The following GRK7 variants were observed in gnomAD, a reference collection of about 807,000 sequenced individuals.
GRK7 encodes the protein rhodopsin kinase GRK7.
In GRK7, 24 loss-of-function variants were observed where a neutral mutation model predicts 34.1. The observed-to-expected ratio is 0.70, with a 90% CI of 0.51 to 0.99. GRK7 has a LOEUF of 0.99. Ranked by LOEUF, GRK7 falls within the 50% of genes least tolerant of loss-of-function variation. The pLI is 0.00. For missense variants in GRK7, 644 were observed against 707.3 expected, an observed-to-expected ratio of 0.91 and a Z score of 1.02; for synonymous variants, 256 against 279.4, an observed-to-expected ratio of 0.92 and a Z score of 0.84.
At chr3:141,750,264 C>T in the GRK7 span, among the ~76,000 whole-genome samples, 1 of 152,190 alleles carries the variant, frequency 6.6e-6, no homozygotes, top group East Asian at 1.9e-4. Flanking sequence ...CTTATCTGTA[C>T]ACTTGATAAA....
chr3:141,774,113 C>T (rs1413904022), intron 1 of GRK7, among the ~76,000 whole-genome samples: 2 of 152,168 alleles, frequency 1.3e-5, no homozygotes, highest in Non-Finnish European at 2.9e-5. Context: ...TTGGGAAAAT[C>T]TCTGGATCCT....
chr3:141,801,127 G>C (rs1012880092), intron 4 of GRK7, among the ~76,000 whole-genome samples: 8 of 151,824 alleles, frequency 5.3e-5, no homozygotes, highest in African/African-American at 1.7e-4. Context: ...TGGCTAACAG[G>C]GTGAAACCCC....
intron 4 of GRK7, among the ~76,000 whole-genome samples, chr3:141,791,002 G>T (rs1037770905): frequency 8.5e-5 from 13 of 152,218 alleles, no homozygotes; most frequent in African/African-American, 3.1e-4. Context: ...TGAGGATCAT[G>T]CTTGTACTTT....
rs1271304420 is a variant in GRK7 at position 141,765,285 on chromosome 3, C to T, written c.-668C>T. ...GCTCTACCCTCAGGCAGTCACATGG[C>T]TCACGCCCTTACCTTCAGGAGGTCT... On this transcript the variant is annotated 5_prime_UTR_variant, in exon 1 of 6. Transcript: ENST00000682958. Among the ~76,000 whole-genome samples, 3 of 152,208 alleles carry T rather than the reference C, an allele frequency of 2.0e-5. No homozygotes were observed. Among genetic ancestry groups the T allele is most frequent in the Non-Finnish European group, 4.4e-5 (3 of 68,044 alleles).
the GRK7 span, among the ~76,000 whole-genome samples, chr3:141,751,977 C>T: frequency 6.6e-6 from 1 of 152,168 alleles, no homozygotes; most frequent in Non-Finnish European, 1.5e-5. Flanking sequence ...TTCTGCATAC[C>T]TTCAAAAGAT....
the GRK7 span, among the ~76,000 whole-genome samples, chr3:141,755,019 T>C: frequency 3.9e-5 from 6 of 152,210 alleles, no homozygotes; most frequent in Non-Finnish European, 1.5e-5. Context: ...GGAAAAAATA[T>C]GATGTTACAT....
At chr3:141,808,012 T>A in intron 5 of GRK7, 93 bp downstream of exon 5, 1 of 1,158,554 alleles carries the variant, frequency 8.6e-7, no homozygotes, top group Non-Finnish European at 1.2e-6. Context: ...GTCTTGGAAT[T>A]AAGTATTATG....
At chr3:141,762,189 G>A (rs1393114504), upstream of GRK7, among the ~76,000 whole-genome samples, 12 of 151,030 alleles carry the variant, frequency 7.9e-5, no homozygotes, top group Non-Finnish European at 1.0e-4. Flanking sequence ...GAGGAGAGGC[G>A]CTCTGCGTTT....
chr3:141,768,717 T>A (rs1577909659), intron 1 of GRK7, among the ~76,000 whole-genome samples: 1 of 152,108 alleles, frequency 6.6e-6, no homozygotes, highest in Admixed American at 6.6e-5. Flanking sequence ...TTCTCCACCT[T>A]CCTTCCCTCC....
At chr3:141,802,029 GA>G (rs1242190030) in intron 4 of GRK7, among the ~76,000 whole-genome samples, 4 of 151,926 alleles carry the variant, frequency 2.6e-5, no homozygotes, top group African/African-American at 4.8e-5. Context: ...CAATATTTCT[GA>G]AAAAAAGAGA....
intron 5 of GRK7, among the ~76,000 whole-genome samples, chr3:141,810,361 T>TCTCC: frequency 7.5e-6 from 1 of 132,964 alleles, no homozygotes; most frequent in Non-Finnish European, 1.6e-5. Flanking sequence ...TCTCTCTCTC[T>TCTCC]CTCCCATCCC....
upstream of GRK7, among the ~76,000 whole-genome samples, chr3:141,760,820 T>G (rs1426457996): frequency 8.4e-6 from 1 of 119,514 alleles, no homozygotes; most frequent in Admixed American, 8.9e-5. Flanking sequence ...GCATATATAT[T>G]TAGGATAGTT....
intron 5 of GRK7, 92 bp downstream of exon 5, chr3:141,808,011 T>A: frequency 8.6e-7 from 1 of 1,160,160 alleles, no homozygotes; most frequent in Non-Finnish European, 1.2e-6. Context: ...AGTCTTGGAA[T>A]TAAGTATTAT....
the GRK7 span, among the ~76,000 whole-genome samples, chr3:141,750,037 G>T: frequency 6.6e-6 from 1 of 151,692 alleles, no homozygotes; most frequent in Non-Finnish European, 1.5e-5. Context: ...AAAGAAATAT[G>T]AATATAAAAA....
intron 4 of GRK7, among the ~76,000 whole-genome samples, chr3:141,786,383 T>A (rs759647315): frequency 3.9e-5 from 6 of 152,252 alleles, no homozygotes; most frequent in Middle Eastern, 3.4e-3. Context: ...CCTTGTATAA[T>A]CCCCTCCCCT....
At chr3:141,767,434 C>T (rs139286801) in intron 1 of GRK7, among the ~76,000 whole-genome samples, 2 of 151,638 alleles carry the variant, frequency 1.3e-5, no homozygotes, top group African/African-American at 4.8e-5. Flanking sequence ...GTCTCCTTCG[C>T]ACTGTCACCC....
chr3:141,795,088 C>T lies in GRK7; in HGVS notation c.1051-12557C>T, dbSNP rs543954962. On this transcript the variant is annotated intron_variant, in intron 4 of 5. Coordinates refer to ENST00000682958, the MANE Select transcript of GRK7 (RefSeq NM_139209.3). Reference sequence around the variant, plus strand: ...CCAGCCCAACATGAGGACCTGGAGTCACAGGGTCAGGAAGGGCTTCCAAGG... The same window carrying T: ...CCAGCCCAACATGAGGACCTGGAGTTACAGGGTCAGGAAGGGCTTCCAAGG... Among the ~76,000 whole-genome samples, 15 of 152,246 alleles carry T rather than the reference C, an allele frequency of 9.9e-5. 1 individual carries two copies. The highest frequency in any genetic ancestry group is 3.6e-4 in the African/African-American group (15 of 41,554).
intron 4 of GRK7, among the ~76,000 whole-genome samples, chr3:141,794,678 G>A (rs908593668): frequency 6.6e-6 from 1 of 152,210 alleles, no homozygotes; most frequent in African/African-American, 2.4e-5. Context: ...GGAGATTCAG[G>A]TAGTTTGTGG....
At chr3:141,808,042 C>A in intron 5 of GRK7, 123 bp downstream of exon 5, 2 of 826,926 alleles carry the variant, frequency 2.4e-6, no homozygotes, top group Non-Finnish European at 3.6e-6. Flanking sequence ...TTTTTATTTG[C>A]ATATTATATG....
Sources: allele counts gnomAD v4.1 joint callset (sites outside exome capture counted in the v4.1 genomes callset), GRCh38; gene constraint gnomAD v4.1.1; transcripts MANE v1.5; gene names NCBI Gene and HGNC (gene_info 2026-07-23, HGNC 2026-07-21).